TRIO: variants seen among roughly 807,000 people sequenced by gnomAD.
TRIO encodes the protein triple functional domain protein.
TRIO carries 58 observed loss-of-function variants against 351.9 expected under a neutral mutation model. The ratio of observed to expected loss-of-function variants is 0.16; its 90% CI spans 0.13 to 0.21. The LOEUF (loss-of-function observed/expected upper bound fraction) is 0.21. Ranked by LOEUF, TRIO falls within the 10% of genes least tolerant of loss-of-function variation. TRIO has a pLI of 1.00. For synonymous variants in TRIO, 1,758 were observed against 1,595.7 expected, an observed-to-expected ratio of 1.10 and a Z score of -2.42; for missense variants, 3,201 against 4,027.8, an observed-to-expected ratio of 0.79 and a Z score of 5.56.
At chr5:14,305,744 A>G (rs1032740035) in intron 8 of TRIO, among the ~76,000 whole-genome samples, 4 of 152,132 alleles carry the variant, frequency 2.6e-5, no homozygotes, top group Admixed American at 1.3e-4. Flanking sequence ...TTGACATCCT[A>G]GTGTCCCTGA....
At chr5:14,403,863 AGGTGGTGGTGAGGGTG>A (rs1748452586) in intron 31 of TRIO, among the ~76,000 whole-genome samples, 1 of 59,710 alleles carries the variant, frequency 1.7e-5, no homozygotes, top group Non-Finnish European at 3.0e-5. Context: ...GTGAGGGTGC[AGGTGGTGGTGAGGGTG>A]CAGGTGGTGG....
rs535747622 is a variant in TRIO, at chr5:14,455,630, C to T, written c.5204-5389C>T. ...CAAACCTTGAGCTAGACACAGAGTGCTGATTGGTGTATTTACAATCCTTTA... is the reference window on the plus strand; with the variant it reads ...CAAACCTTGAGCTAGACACAGAGTGTTGATTGGTGTATTTACAATCCTTTA... On this transcript the variant is annotated intron_variant, in intron 34 of 56. Coordinates refer to ENST00000344204, the MANE Select transcript of TRIO (RefSeq NM_007118.4). Among the ~76,000 whole-genome samples the T allele has an allele frequency of 2.0e-5, 3 of 152,210 alleles. No individual in the cohort carries two copies. The East Asian group carries it at 5.8e-4, about 29-fold the overall frequency.
chr5:14,421,603 GAA>G (rs377508422), intron 34 of TRIO, among the ~76,000 whole-genome samples: 7 of 109,252 alleles, frequency 6.4e-5, no homozygotes, highest in Non-Finnish European at 5.8e-5. Flanking sequence ...GACTCCATCT[GAA>G]AAAAAAAAAA....
chr5:14,367,264 A>G (rs944596827), intron 16 of TRIO, among the ~76,000 whole-genome samples: 2 of 152,148 alleles, frequency 1.3e-5, no homozygotes, highest in African/African-American at 4.8e-5. Flanking sequence ...CTCCTGTTGT[A>G]GGAGCCCTGG....
chr5:14,402,987 ATGG>A (rs1432869401), intron 31 of TRIO, among the ~76,000 whole-genome samples: 1 of 151,408 alleles, frequency 6.6e-6, no homozygotes, highest in Non-Finnish European at 1.5e-5. Context: ...AAGGTTGGAG[ATGG>A]TGGTGAGGGT....
At chr5:14,506,836 C>T (rs1757721876) in intron 55 of TRIO, among the ~76,000 whole-genome samples, 1 of 152,324 alleles carries the variant, frequency 6.6e-6, no homozygotes, top group Middle Eastern at 3.4e-3. Context: ...CTGCCGGCAG[C>T]CGGGCCACGC....
rs555799755 is a variant in TRIO, at chr5:14,144,310, CCGGGA to C, written c.157+434_157+438del. Among the ~76,000 whole-genome samples, 13 of 152,248 alleles carry C rather than the reference CCGGGA, an allele frequency of 8.5e-5. No individual in the cohort carries two copies. The South Asian group carries it at 2.3e-3, about 27-fold the overall frequency. ...CCGAGCGGACTGAGCCGGGGCCGGT[CCGGGA>C]CGGGAAATTGGTCTTTGATCTGTGC... On this transcript the variant is annotated intron_variant, in intron 1 of 56. Transcript: ENST00000344204.
intron 44 of TRIO, 43 bp from the exon 45 acceptor site, chr5:14,481,498 T>C: frequency 1.2e-6 from 2 of 1,608,084 alleles, no homozygotes; most frequent in Non-Finnish European, 1.7e-6. Flanking sequence ...AGATTTTCCC[T>C]AGAGGAACTT....
At chr5:14,381,571 A>G (rs898442682) in intron 21 of TRIO, among the ~76,000 whole-genome samples, 2 of 152,002 alleles carry the variant, frequency 1.3e-5, no homozygotes, top group African/African-American at 4.8e-5. Flanking sequence ...AGGACTTGCT[A>G]TTTTTATGAA....
intron 54 of TRIO, among the ~76,000 whole-genome samples, chr5:14,503,289 C>A (rs1455233901): frequency 6.6e-6 from 1 of 152,236 alleles, no homozygotes; most frequent in Admixed American, 6.5e-5. Context: ...CCCAGAAACT[C>A]CAGCCAGCAG....
chr5:14,300,625 T>C (rs752328061), intron 7 of TRIO, among the ~76,000 whole-genome samples: 3 of 152,186 alleles, frequency 2.0e-5, no homozygotes, highest in Non-Finnish European at 2.9e-5. Context: ...TTCTTTAATA[T>C]TTAGAGAACC....
At chr5:14,451,002 C>T (rs1338350345) in intron 34 of TRIO, among the ~76,000 whole-genome samples, 1 of 152,176 alleles carries the variant, frequency 6.6e-6, no homozygotes, top group Non-Finnish European at 1.5e-5. Flanking sequence ...GCCAAGAAAC[C>T]TCTCCAGATA....
chr5:14,445,385 G>A (rs1445076632), intron 34 of TRIO, among the ~76,000 whole-genome samples: 1 of 152,220 alleles, frequency 6.6e-6, no homozygotes, highest in African/African-American at 2.4e-5. Context: ...AAAACTCCCA[G>A]ACAGAGCGAG....
At chr5:14,231,807 C>T (rs772864272) in intron 1 of TRIO, among the ~76,000 whole-genome samples, 2 of 150,718 alleles carry the variant, frequency 1.3e-5, no homozygotes, top group Non-Finnish European at 2.9e-5. Flanking sequence ...TCTTGTATTT[C>T]CTTGGAGAGT....
intron 2 of TRIO, among the ~76,000 whole-genome samples, chr5:14,271,936 A>G (rs1295867832): frequency 2.0e-5 from 3 of 152,194 alleles, no homozygotes; most frequent in Non-Finnish European, 4.4e-5. Flanking sequence ...GCCCCTGTTA[A>G]TATGGTTTGA....
At chr5:14,250,611 GCTTT>G (rs1794687868) in intron 1 of TRIO, among the ~76,000 whole-genome samples, 1 of 152,154 alleles carries the variant, frequency 6.6e-6, no homozygotes, top group African/African-American at 2.4e-5. Flanking sequence ...CCCTTGCCCT[GCTTT>G]CCCATGAGTT....
chr5:14,446,226 T>A (rs1752430541), intron 34 of TRIO, among the ~76,000 whole-genome samples: 1 of 152,068 alleles, frequency 6.6e-6, no homozygotes, highest in Non-Finnish European at 1.5e-5. Context: ...CAGGAAGACT[T>A]AACAACAGGA....
At chr5:14,216,353 C>G (rs1430393817) in intron 1 of TRIO, among the ~76,000 whole-genome samples, 1 of 152,182 alleles carries the variant, frequency 6.6e-6, no homozygotes, top group Non-Finnish European at 1.5e-5. Flanking sequence ...ACTTGTCCAA[C>G]AATTGTTGTT....
intron 8 of TRIO, among the ~76,000 whole-genome samples, chr5:14,315,027 G>T (rs1379488066): frequency 6.6e-6 from 1 of 152,112 alleles, no homozygotes; most frequent in African/African-American, 2.4e-5. Flanking sequence ...TCAAATTCAG[G>T]TATTGAAAAG....
Sources: gnomAD v4.1 joint callset for allele counts (sites outside exome capture counted in the v4.1 genomes callset) on GRCh38, gnomAD v4.1.1 for gene constraint, MANE v1.5 for transcripts, NCBI Gene and HGNC (gene_info 2026-07-23, HGNC 2026-07-21) for gene names.